GRIN2A: variants seen among roughly 807,000 people sequenced by gnomAD.
The protein encoded by GRIN2A is glutamate receptor ionotropic, NMDA 2A.
In GRIN2A, 22 loss-of-function variants were observed where a neutral mutation model predicts 113.4. That is an observed-to-expected ratio of 0.19 (90% CI 0.14 to 0.28). The LOEUF is 0.28. Ranked by LOEUF, GRIN2A falls within the 10% of genes least tolerant of loss-of-function variation. GRIN2A has a pLI of 1.00. For synonymous variants in GRIN2A, 827 were observed against 738.4 expected, an observed-to-expected ratio of 1.12 and a Z score of -1.94; for missense variants, 1,502 against 1,887.0, an observed-to-expected ratio of 0.80 and a Z score of 3.78.
At chr16:10,170,932 T>C (rs963345766) in intron 2 of GRIN2A, among the ~76,000 whole-genome samples, 1 of 152,090 alleles carries the variant, frequency 6.6e-6, no homozygotes, top group South Asian at 2.1e-4. Context: ...ATACAATTTT[T>C]CTTTGTCAGT....
chr16:10,018,783 G>C (rs837702), intron 2 of GRIN2A, among the ~76,000 whole-genome samples: 104,537 of 151,860 alleles, frequency 0.69, 36,445 homozygotes, highest in Middle Eastern at 0.8. Context: ...CCCAACCCGA[G>C]GTTGCTCTGA....
intron 3 of GRIN2A, among the ~76,000 whole-genome samples, chr16:9,911,632 C>T (rs768104144): frequency 2.0e-4 from 30 of 152,172 alleles, no homozygotes; most frequent in Non-Finnish European, 3.5e-4. Flanking sequence ...TGAATGTTAA[C>T]AATGCCCTCC....
intron 2 of GRIN2A, among the ~76,000 whole-genome samples, chr16:9,991,335 G>A (rs572933138): frequency 6.6e-6 from 1 of 152,128 alleles, no homozygotes; most frequent in African/African-American, 2.4e-5. Flanking sequence ...CTGGCTCCAG[G>A]GTTCAGCTCT....
rs926606358 is a variant in GRIN2A at position 10,066,610 on chromosome 16, C to T, written c.414+113388G>A. ...TAAAAATGATGACCTACAAAGAGAC[C>T]CATGTTTCCACCCAGGATCTATCAC... On this transcript the variant is annotated intron_variant, in intron 2 of 12. Coordinates refer to ENST00000330684, the MANE Select transcript of GRIN2A (RefSeq NM_001134407.3). Among the ~76,000 whole-genome samples the T allele has an allele frequency of 3.3e-5, 5 of 152,078 alleles. No individual in the cohort carries two copies. In the East Asian group the frequency reaches 9.6e-4, roughly 29 times the overall value.
chr16:9,765,391 G>C (rs985983130), intron 12 of GRIN2A, among the ~76,000 whole-genome samples: 27 of 152,292 alleles, frequency 1.8e-4, no homozygotes, highest in Non-Finnish European at 5.9e-5. Context: ...AGCATGAAAG[G>C]ATCATCCATT....
chr16:10,063,094 G>A (rs1209043743), intron 2 of GRIN2A, among the ~76,000 whole-genome samples: 1 of 152,114 alleles, frequency 6.6e-6, no homozygotes, highest in East Asian at 1.9e-4. Flanking sequence ...GGAGCTGGAG[G>A]ACATTATCCT....
chr16:10,105,874 G>A (rs1259934378), intron 2 of GRIN2A, among the ~76,000 whole-genome samples: 1 of 152,150 alleles, frequency 6.6e-6, no homozygotes, highest in African/African-American at 2.4e-5. Context: ...GCCACTGCAC[G>A]CCAGCCTCGG....
At chr16:9,973,235 C>A (rs371824653) in intron 2 of GRIN2A, among the ~76,000 whole-genome samples, 6 of 152,128 alleles carry the variant, frequency 3.9e-5, no homozygotes, top group Admixed American at 3.9e-4. Context: ...AATTTCTCAT[C>A]CTCTGGCTTT....
At chr16:9,919,621 A>G (rs77365185) in intron 3 of GRIN2A, among the ~76,000 whole-genome samples, 2,551 of 152,334 alleles carry the variant, frequency 0.017, 36 homozygotes, top group Non-Finnish European at 0.022. Flanking sequence ...AGAAAAAGTG[A>G]ATGAGGCTCC....
chr16:9,771,595 G>C (rs1447469939), intron 11 of GRIN2A, among the ~76,000 whole-genome samples: 1 of 127,066 alleles, frequency 7.9e-6, no homozygotes, highest in African/African-American at 3.1e-5. Flanking sequence ...TCATTCCTCT[G>C]TTTGCTGTGT....
At chr16:9,899,225 A>G (rs1217325052) in intron 3 of GRIN2A, among the ~76,000 whole-genome samples, 3 of 151,870 alleles carry the variant, frequency 2.0e-5, no homozygotes, top group African/African-American at 4.8e-5. Context: ...GATCACCTGA[A>G]GTCAGGAGTT....
chr16:9,977,788 C>A (rs1219164703), intron 2 of GRIN2A, among the ~76,000 whole-genome samples: 2 of 152,172 alleles, frequency 1.3e-5, no homozygotes, highest in Admixed American at 1.3e-4. Context: ...GTCGGCTTTT[C>A]CTTGGGGAGT....
intron 2 of GRIN2A, among the ~76,000 whole-genome samples, chr16:10,051,042 C>T (rs1340079642): frequency 6.6e-6 from 1 of 151,412 alleles, no homozygotes; most frequent in African/African-American, 2.4e-5. Context: ...ATGTCCCAGG[C>T]CCCCCATGTA....
At position 10,180,195 on chromosome 16, in the gene GRIN2A, G is replaced by T. The variant is rs775422876; in HGVS notation, c.217C>A (p.Leu73Met). The change falls in exon 2 of 13, where the codon CTG (leucine) becomes ATG (methionine). Residue 73 changes from leucine to methionine, a missense_variant. Physicochemically the swap from Leu to Met is conservative, Grantham distance 15. Coordinates refer to ENST00000330684, the MANE Select transcript of GRIN2A (RefSeq NM_001134407.3). The surrounding 1 kb of genome is among the most constrained non-coding windows in gnomAD (Gnocchi z 7.0). ...LPLDVNVVAL[L>M]MNRTDPKSLI... ...CTCTTGGGGTCGGTGCGGTTCATCA[G>T]CAGAGCTACCACGTTCACGTCCAGG... The T allele has an allele frequency of 4.3e-6, 7 of 1,614,176 alleles. No homozygotes were observed. Among genetic ancestry groups the T allele is most frequent in the Non-Finnish European group, 5.9e-6 (7 of 1,180,044 alleles).
At chr16:10,056,622 A>T (rs1239490546) in intron 2 of GRIN2A, among the ~76,000 whole-genome samples, 1 of 152,114 alleles carries the variant, frequency 6.6e-6, no homozygotes, top group East Asian at 1.9e-4. Flanking sequence ...CTGAATTTGG[A>T]CCCCAGTCCA....
chr16:10,169,065 T>C (rs1179284100), intron 2 of GRIN2A, among the ~76,000 whole-genome samples: 1 of 151,490 alleles, frequency 6.6e-6, no homozygotes, highest in Non-Finnish European at 1.5e-5. Flanking sequence ...AATTAAGACT[T>C]AACCTTCTAC....
At chr16:10,123,292 G>T (rs2048868133) in intron 2 of GRIN2A, among the ~76,000 whole-genome samples, 1 of 152,178 alleles carries the variant, frequency 6.6e-6, no homozygotes, top group African/African-American at 2.4e-5. Flanking sequence ...TGCGTACTTA[G>T]ATGTAATACT....
intron 2 of GRIN2A, among the ~76,000 whole-genome samples, chr16:10,041,727 T>G (rs2047169587): frequency 6.6e-6 from 1 of 152,218 alleles, no homozygotes; most frequent in Non-Finnish European, 1.5e-5. Context: ...AGCTGATAAC[T>G]TTGGTATGAC....
chr16:9,900,197 A>C (rs2043893141), intron 3 of GRIN2A, among the ~76,000 whole-genome samples: 1 of 152,156 alleles, frequency 6.6e-6, no homozygotes, highest in Non-Finnish European at 1.5e-5. Flanking sequence ...AATGCTGGAG[A>C]ATCATTTTGG....
Sources: allele counts gnomAD v4.1 joint callset (sites outside exome capture counted in the v4.1 genomes callset), GRCh38; gene constraint gnomAD v4.1.1; non-coding constraint Gnocchi (gnomAD v3.1); transcripts MANE v1.5; gene names NCBI Gene and HGNC (gene_info 2026-07-23, HGNC 2026-07-21).